The following PSMA8 variants were observed in gnomAD, a reference collection of about 807,000 sequenced individuals.
PSMA8 encodes the protein proteasome subunit alpha-type 8.
Under a neutral mutation model 32.4 loss-of-function variants are expected in PSMA8, and 18 were observed. The observed-to-expected ratio is 0.56, with a 90% confidence interval of 0.38 to 0.82. The LOEUF is 0.82. Among genes scored for constraint, PSMA8 ranks in the 40% least tolerant of loss-of-function variants. The probability of loss-of-function intolerance (pLI) is 0.00; values close to 1 mark genes in which losing one functional copy is unlikely to be tolerated. For synonymous variants in PSMA8, 104 were observed against 98.1 expected (o/e 1.06, Z -0.36); for missense variants, 298 against 300.7 (o/e 0.99, Z 0.07).
At chr18:26,181,937 A>C (rs915520664) in intron 6 of PSMA8, among the ~76,000 whole-genome samples, 4 of 152,090 alleles carry the variant, frequency 2.6e-5, no homozygotes, top group Non-Finnish European at 5.9e-5. Flanking sequence ...AAAAAAAAAA[A>C]AACCAGTCTT....
intron 4 of PSMA8, among the ~76,000 whole-genome samples, chr18:26,167,280 C>T (rs1310368964): frequency 6.6e-6 from 1 of 152,118 alleles, no homozygotes; most frequent in East Asian, 1.9e-4. Flanking sequence ...TAAGGTTATA[C>T]TTCAGCCATA....
At chr18:26,162,706 A>G (rs926750992) in intron 4 of PSMA8, among the ~76,000 whole-genome samples, 1 of 152,102 alleles carries the variant, frequency 6.6e-6, no homozygotes, top group Admixed American at 6.5e-5. Flanking sequence ...TCTACTAAAA[A>G]TACAAAAAAA....
chr18:26,172,360 A>G (rs1180778176), intron 4 of PSMA8, among the ~76,000 whole-genome samples: 1 of 152,224 alleles, frequency 6.6e-6, no homozygotes, highest in African/African-American at 2.4e-5. Context: ...AAACTTTACC[A>G]TAGTAGCATA....
chr18:26,177,942 A>G (rs1413008639), intron 4 of PSMA8, among the ~76,000 whole-genome samples: 2 of 152,194 alleles, frequency 1.3e-5, no homozygotes, highest in Non-Finnish European at 2.9e-5. Context: ...AGCCAGTCAC[A>G]GTGGCTCATG....
At chr18:26,174,756 G>A (rs557927651) in intron 4 of PSMA8, among the ~76,000 whole-genome samples, 1 of 152,274 alleles carries the variant, frequency 6.6e-6, no homozygotes, top group African/African-American at 2.4e-5. Flanking sequence ...CATGTTAACA[G>A]GTATTAGGTA....
intron 3 of PSMA8, among the ~76,000 whole-genome samples, chr18:26,154,074 G>T (rs1281083948): frequency 6.6e-6 from 1 of 151,952 alleles, no homozygotes; most frequent in Non-Finnish European, 1.5e-5. Context: ...GCTAACTTTT[G>T]TATTTTTTGT....
At chr18:26,144,869 T>A (rs1203318077) in intron 2 of PSMA8, among the ~76,000 whole-genome samples, 184 bp downstream of exon 2, 1 of 152,258 alleles carries the variant, frequency 6.6e-6, no homozygotes, top group Non-Finnish European at 1.5e-5. Context: ...GTACAAATGT[T>A]AAAAGATATA....
At chr18:26,155,116 C>A (rs1294529899) in intron 3 of PSMA8, among the ~76,000 whole-genome samples, 1 of 151,822 alleles carries the variant, frequency 6.6e-6, no homozygotes, top group African/African-American at 2.4e-5. Context: ...GCACCTGTAA[C>A]CCCAGCTACT....
At chr18:26,154,086 C>T (rs2055067610) in intron 3 of PSMA8, among the ~76,000 whole-genome samples, 2 of 151,844 alleles carry the variant, frequency 1.3e-5, no homozygotes. Flanking sequence ...ATTTTTTGTA[C>T]AGATGATGTT....
intron 3 of PSMA8, among the ~76,000 whole-genome samples, chr18:26,155,153 T>C (rs962333421): frequency 6.6e-6 from 1 of 151,986 alleles, no homozygotes; most frequent in Non-Finnish European, 1.5e-5. Flanking sequence ...GAGAATTGCT[T>C]GAACCCAGGA....
At position 26,159,007 on chromosome 18, in the gene PSMA8, C is replaced by T. The variant is rs953958759; in HGVS notation, c.477+763C>T. On this transcript the variant is annotated intron_variant, in intron 4 of 6. Coordinates refer to ENST00000415576, the MANE Select transcript of PSMA8 (RefSeq NM_001025096.2). ...AACCAAACAATGCCCCCCTGCCCCC[C>T]GCAAAAAACACTGCTACATGCCAGA... Among the ~76,000 whole-genome samples, 29 of 151,980 alleles carry T rather than the reference C, an allele frequency of 1.9e-4. 1 individual carries two copies. The highest frequency in any genetic ancestry group is 1.7e-3 in the Admixed American group (26 of 15,254).
intron 6 of PSMA8, among the ~76,000 whole-genome samples, chr18:26,190,351 T>C (rs914684688): frequency 6.6e-6 from 1 of 152,228 alleles, no homozygotes; most frequent in African/African-American, 2.4e-5. Flanking sequence ...CCATTCTCCA[T>C]GATGTGGTTA....
In PSMA8 at chr18:26,162,629, G is replaced by T. The variant is rs8093168; in HGVS notation, c.477+4385G>T. Reference sequence around the variant, plus strand: ...GCCTGTAATCCCAGCACTTTGGGAGGCCGAGGTGGGCAGATCACAAGGTCA... The same window carrying T: ...GCCTGTAATCCCAGCACTTTGGGAGTCCGAGGTGGGCAGATCACAAGGTCA... On this transcript the variant is annotated intron_variant, in intron 4 of 6. Transcript: ENST00000415576. Among the ~76,000 whole-genome samples the T allele has an allele frequency of 9.2e-5, 14 of 152,254 alleles. No individual in the cohort carries two copies. The East Asian group carries it at 2.7e-3, about 29-fold the overall frequency.
Position 26,166,207 on chromosome 18 carries a change from C to T in PSMA8, c.477+7963C>T, listed in dbSNP as rs8095884. ...TGTGCATGGGTTGCTTGGCTTTATACGCTTAAAGGATTTGGCCAAATATGA... is the reference window on the plus strand; with the variant it reads ...TGTGCATGGGTTGCTTGGCTTTATATGCTTAAAGGATTTGGCCAAATATGA... On this transcript the variant is annotated intron_variant, in intron 4 of 6. Transcript: ENST00000415576. Among the ~76,000 whole-genome samples, 1,253 of 152,238 alleles carry T rather than the reference C, an allele frequency of 8.2e-3. 17 individuals carry two copies. Among genetic ancestry groups the T allele is most frequent in the African/African-American group, 0.029 (1,195 of 41,548 alleles).
At chr18:26,166,988 CCAAATGAG>C (rs1427752521) in intron 4 of PSMA8, among the ~76,000 whole-genome samples, 1 of 152,066 alleles carries the variant, frequency 6.6e-6, no homozygotes, top group Non-Finnish European at 1.5e-5. Context: ...AACCAGTTTT[CCAAATGAG>C]CAAGCATGAC....
chr18:26,146,196 G>T (rs868418776), intron 2 of PSMA8, among the ~76,000 whole-genome samples: 125 of 138,990 alleles, frequency 9.0e-4, no homozygotes, highest in African/African-American at 2.8e-3. Context: ...TTCTGATTGG[G>T]TTTTTTTTTT....
At chr18:26,168,295 C>T (rs2055195631) in intron 4 of PSMA8, among the ~76,000 whole-genome samples, 1 of 123,906 alleles carries the variant, frequency 8.1e-6, no homozygotes. Flanking sequence ...GAGGATTTAG[C>T]TCTTACACCA....
intron 4 of PSMA8, among the ~76,000 whole-genome samples, chr18:26,176,881 C>T (rs1417081181): frequency 1.3e-5 from 2 of 152,020 alleles, no homozygotes; most frequent in Non-Finnish European, 1.5e-5. Context: ...TGCAGTGAAA[C>T]GAAATCACGC....
intron 2 of PSMA8, 25 bp from the exon 3 acceptor site, chr18:26,151,833 T>C (rs1346138173): frequency 1.3e-6 from 2 of 1,570,762 alleles, no homozygotes; most frequent in Non-Finnish European, 1.7e-6. Flanking sequence ...TTGTGGTTTT[T>C]GTGAAGTTTT....
Sources: allele counts gnomAD v4.1 joint callset (sites outside exome capture counted in the v4.1 genomes callset), GRCh38; gene constraint gnomAD v4.1.1; transcripts MANE v1.5; gene names NCBI Gene and HGNC (gene_info 2026-07-23, HGNC 2026-07-21).